NTM: variants seen among roughly 807,000 people sequenced by gnomAD.
The protein encoded by NTM is neurotrimin.
In NTM, 13 loss-of-function variants were observed where a neutral mutation model predicts 42.1. The ratio of observed to expected loss-of-function variants is 0.31; its 90% CI spans 0.20 to 0.49. The LOEUF is 0.49. Ranked by LOEUF, NTM falls within the 20% of genes least tolerant of loss-of-function variation. NTM has a pLI of 0.99. For missense variants in NTM, 373 were observed against 452.8 expected (o/e 0.82, Z 1.60); for synonymous variants, 187 against 179.2 (o/e 1.04, Z -0.35).
At chr11:132,051,119 G>T (rs1441974032) in intron 2 of NTM, among the ~76,000 whole-genome samples, 1 of 152,144 alleles carries the variant, frequency 6.6e-6, no homozygotes, top group Non-Finnish European at 1.5e-5. Context: ...CTGTGACTTT[G>T]GTCGAGTAAC....
intron 3 of NTM, among the ~76,000 whole-genome samples, chr11:132,174,979 T>C (rs1435964207): frequency 2.0e-5 from 3 of 152,252 alleles, no homozygotes; most frequent in African/African-American, 7.2e-5. Context: ...TTATCTGGCA[T>C]GGCTGTTCTG....
rs1310298884 is a variant in NTM at position 131,772,170 on chromosome 11, G to A, written c.83-139394G>A. Among the ~76,000 whole-genome samples the A allele has an allele frequency of 3.9e-5, 6 of 152,290 alleles. No individual in the cohort carries two copies. The East Asian group carries it at 1.2e-3, about 29-fold the overall frequency. ...GCCCTCAGGGAGCTTGTGATCTGAA[G>A]AGACTGTGTATGCATGCATATTTTC... On this transcript the variant is annotated intron_variant, in intron 1 of 8. Coordinates refer to ENST00000683400, the MANE Select transcript of NTM (RefSeq NM_001352005.2).
chr11:131,418,928 T>A (rs1026076724), intron 1 of NTM, among the ~76,000 whole-genome samples: 4 of 152,152 alleles, frequency 2.6e-5, no homozygotes, highest in African/African-American at 7.2e-5. Flanking sequence ...CTTCACCTAT[T>A]GTTCTTTCAT....
At chr11:132,215,807 C>T (rs1039694738) in intron 4 of NTM, among the ~76,000 whole-genome samples, 6 of 152,290 alleles carry the variant, frequency 3.9e-5, no homozygotes, top group East Asian at 1.9e-4. Flanking sequence ...TGAGATGGGC[C>T]GATGTTGTTT....
At chr11:131,444,056 T>C (rs1338336549) in intron 1 of NTM, among the ~76,000 whole-genome samples, 1 of 151,904 alleles carries the variant, frequency 6.6e-6, no homozygotes, top group African/African-American at 2.4e-5. Context: ...AAATTGCAAG[T>C]TTTACAGTGA....
intron 1 of NTM, among the ~76,000 whole-genome samples, chr11:131,671,933 T>A (rs2070342014): frequency 6.6e-6 from 1 of 152,062 alleles, no homozygotes; most frequent in African/African-American, 2.4e-5. Flanking sequence ...GAGGCCTCTG[T>A]CCCGGCTCCA....
At chr11:131,749,877 G>A (rs764827195) in intron 1 of NTM, among the ~76,000 whole-genome samples, 3 of 152,208 alleles carry the variant, frequency 2.0e-5, no homozygotes, top group Non-Finnish European at 2.9e-5. Flanking sequence ...TGGGATTACA[G>A]GCATCATCGT....
At chr11:131,595,469 G>T (rs938514779) in intron 1 of NTM, among the ~76,000 whole-genome samples, 1 of 152,214 alleles carries the variant, frequency 6.6e-6, no homozygotes, top group Non-Finnish European at 1.5e-5. Flanking sequence ...ACTGACTCCT[G>T]GTGGAGGTTT....
At chr11:132,057,052 T>C (rs1280514463) in intron 2 of NTM, among the ~76,000 whole-genome samples, 4 of 152,160 alleles carry the variant, frequency 2.6e-5, no homozygotes, top group Non-Finnish European at 5.9e-5. Context: ...ATACCAGTGA[T>C]AAAAAACATA....
chr11:131,598,840 TCTTTCTTTCTTCCTTCCTTC>T (rs2060156075), intron 1 of NTM, among the ~76,000 whole-genome samples: 1 of 38,292 alleles, frequency 2.6e-5, no homozygotes, highest in African/African-American at 8.2e-5. Flanking sequence ...TTTCTTTCTT[TCTTTCTTTCTTCCTTCCTTC>T]CTTCCTTCCT....
At chr11:131,911,127 T>A in intron 1 of NTM, 1 of 1,245,594 alleles carries the variant, frequency 8.0e-7, no homozygotes, top group Non-Finnish European at 1.0e-6. Flanking sequence ...CAAAGTGCCG[T>A]GTCTGAACTG....
chr11:131,414,345 C>T (rs981963855), intron 1 of NTM, among the ~76,000 whole-genome samples: 1 of 152,158 alleles, frequency 6.6e-6, no homozygotes, highest in South Asian at 2.1e-4. Flanking sequence ...TGCCTGCTGC[C>T]TTTGCCTCTG....
chr11:131,860,750 C>G (rs1175344278), intron 1 of NTM, among the ~76,000 whole-genome samples: 1 of 152,170 alleles, frequency 6.6e-6, no homozygotes, highest in East Asian at 1.9e-4. Flanking sequence ...TTCACCACCC[C>G]CTGAATTCTT....
intron 4 of NTM, among the ~76,000 whole-genome samples, chr11:132,296,486 C>G (rs1045742301): frequency 6.6e-6 from 1 of 152,130 alleles, no homozygotes; most frequent in Admixed American, 6.5e-5. Context: ...AATTTTCAGA[C>G]CCAATATATG....
intron 3 of NTM, among the ~76,000 whole-genome samples, chr11:132,203,939 G>T (rs1021067707): frequency 1.3e-5 from 2 of 151,850 alleles, no homozygotes; most frequent in Non-Finnish European, 2.9e-5. Flanking sequence ...AAAAAACACT[G>T]CAATTTTCAG....
chr11:132,173,679 G>A (rs1382539194), intron 3 of NTM, among the ~76,000 whole-genome samples: 1 of 152,126 alleles, frequency 6.6e-6, no homozygotes, highest in African/African-American at 2.4e-5. Context: ...AGGAAGTAGG[G>A]CAAGTATCAT....
At chr11:131,890,591 T>A (rs1272917008) in intron 1 of NTM, among the ~76,000 whole-genome samples, 1 of 152,144 alleles carries the variant, frequency 6.6e-6, no homozygotes, top group African/African-American at 2.4e-5. Flanking sequence ...CTAGATTGAT[T>A]TTCTGGGTTT....
At chr11:131,566,911 G>C (rs563075396) in intron 1 of NTM, among the ~76,000 whole-genome samples, 1 of 152,084 alleles carries the variant, frequency 6.6e-6, no homozygotes, top group Non-Finnish European at 1.5e-5. Flanking sequence ...AGTCCTGCCC[G>C]GTACTACCTT....
intron 1 of NTM, among the ~76,000 whole-genome samples, chr11:131,423,758 C>A (rs1947770661): frequency 6.6e-6 from 1 of 152,154 alleles, no homozygotes; most frequent in African/African-American, 2.4e-5. Context: ...TCAACAAATC[C>A]AAACTGACTT....
Sources: allele counts gnomAD v4.1 joint callset (sites outside exome capture counted in the v4.1 genomes callset), GRCh38; gene constraint gnomAD v4.1.1; transcripts MANE v1.5; gene names NCBI Gene and HGNC (gene_info 2026-07-23, HGNC 2026-07-21).